The following SYTL2 variants were observed in gnomAD, a reference collection of about 807,000 sequenced individuals.
The protein encoded by SYTL2 is synaptotagmin like 2, also known as synaptotagmin-like protein 2.
SYTL2 carries 165 observed loss-of-function variants against 198.7 expected under a neutral mutation model. That is an observed-to-expected ratio of 0.83 (90% confidence interval 0.73 to 0.94). SYTL2 has a LOEUF of 0.94. Ranked by LOEUF, SYTL2 falls within the 40% of genes least tolerant of loss-of-function variation. The pLI is 0.00. For synonymous variants in SYTL2, 966 were observed against 917.7 expected, an observed-to-expected ratio of 1.05 and a Z score of -0.95; for missense variants, 2,835 against 2,582.8, an observed-to-expected ratio of 1.10 and a Z score of -2.12.
Position 85,727,630 on chromosome 11 carries a change from T to C in SYTL2, c.1728A>G (p.Leu576=). 1 of 1,536,212 alleles carries C rather than the reference T, an allele frequency of 6.5e-7. No homozygotes were observed. Among genetic ancestry groups the C allele is most frequent in the South Asian group, 1.2e-5 (1 of 84,010 alleles). ...TTLRENGSKT[L]SPSKIELKPV... is the part of the protein sequence containing the mutation. ...GCTTCAATTCAATTTTGCTGGGTGATAGGGTCTTTGAGCCATTTTCTCTTA... is the reference window on the plus strand; with the variant it reads ...GCTTCAATTCAATTTTGCTGGGTGACAGGGTCTTTGAGCCATTTTCTCTTA... The change falls in exon 8 of 20, where the codon CTA becomes CTG. Residue 576 remains leucine, a synonymous_variant. Transcript: ENST00000359152.
chr11:85,728,991 G>C (rs1297943751), intron 7 of SYTL2, among the ~76,000 whole-genome samples: 1 of 152,176 alleles, frequency 6.6e-6, no homozygotes, highest in Non-Finnish European at 1.5e-5. Context: ...AAAAGACAAA[G>C]AAGGGCATTA....
At position 85,724,558 on chromosome 11, in the gene SYTL2, C is replaced by T; in HGVS notation, c.4800G>A (p.Glu1600=). 2 of 1,613,916 alleles carry T rather than the reference C, an allele frequency of 1.2e-6. No individual in the cohort carries two copies. Among genetic ancestry groups the T allele is most frequent in the South Asian group, 2.2e-5 (2 of 91,048 alleles). The part of the protein sequence containing the change: ...ETHEKESSQS[E]QTRFLGTVPH... The stretch of plus-strand genomic sequence containing the variant: ...GCACTGTCCCCAAGAACCTGGTCTG[C>T]TCTGACTGTGAGGACTCCTTCTCGT... The change falls in exon 8 of 20, where the codon GAG becomes GAA. Residue 1600 remains glutamate, a synonymous_variant. Coordinates refer to ENST00000359152, the MANE Select transcript of SYTL2 (RefSeq NM_206927.4).
chr11:85,824,645 C>A, the SYTL2 span, among the ~76,000 whole-genome samples: 3 of 152,148 alleles, frequency 2.0e-5, no homozygotes, highest in Non-Finnish European at 4.4e-5. Flanking sequence ...ATAGTTGAGG[C>A]CATAGCAAAG....
chr11:85,844,084 C>T, the SYTL2 span, among the ~76,000 whole-genome samples: 2 of 152,158 alleles, frequency 1.3e-5, no homozygotes, highest in African/African-American at 4.8e-5. Flanking sequence ...TCTGCAATAC[C>T]CCTTTCAACT....
At chr11:85,698,358 C>G (rs1336806605) in intron 17 of SYTL2, among the ~76,000 whole-genome samples, 1 of 152,172 alleles carries the variant, frequency 6.6e-6, no homozygotes. Context: ...TCAACAAAAT[C>G]AAACACCAGG....
At chr11:85,756,827 T>A (rs2091894400) in intron 2 of SYTL2, among the ~76,000 whole-genome samples, 1 of 152,218 alleles carries the variant, frequency 6.6e-6, no homozygotes, top group South Asian at 2.1e-4. Context: ...TGGTCCTGTG[T>A]CCCAGGAAGT....
In SYTL2 at chr11:85,696,365, C is replaced by T. The variant is rs775867852; in HGVS notation, c.6392G>A (p.Arg2131Lys). Residue 2131 changes from arginine to lysine, a missense_variant, in exon 19 of 20, where the codon AGG (arginine) becomes AAG (lysine). This residue lies in a region of SYTL2 where 185 missense variants were observed against 182.1 expected (regional missense o/e 1.02). Transcript: ENST00000359152. ...VKCTILPDTS[R>K]KSRQKTRAVG... The stretch of plus-strand genomic sequence containing the variant: ...AGCTCTTGTCTTCTGGCGACTTTTC[C>T]TACTTGTATCTGGAAGGATGGTACT... 3 of 1,613,894 alleles carry T rather than the reference C, an allele frequency of 1.9e-6. No homozygotes were observed. The highest frequency in any genetic ancestry group is 2.5e-6 in the Non-Finnish European group (3 of 1,179,846).
In SYTL2 at chr11:85,745,717, G is replaced by A; in HGVS notation, c.309C>T (p.Val103=). The change falls in exon 4 of 20, where the codon GTC becomes GTT. Residue 103 remains valine, a synonymous_variant. Coordinates refer to ENST00000359152, the MANE Select transcript of SYTL2 (RefSeq NM_206927.4). ...CTGGAGGAAGGAAAGCATCTTTGTT[G>A]ACATTATTCACCCAGCTTTCCTTTG... ...NGAKESWVNN[V]NKDAFLPPEL... The A allele has an allele frequency of 6.2e-7, 1 of 1,613,654 alleles. No homozygotes were observed. Among genetic ancestry groups the A allele is most frequent in the South Asian group, 1.1e-5 (1 of 91,058 alleles).
chr11:85,728,866 A>G (rs1417418664), intron 7 of SYTL2, among the ~76,000 whole-genome samples: 1 of 152,206 alleles, frequency 6.6e-6, no homozygotes, highest in Non-Finnish European at 1.5e-5. Context: ...CTATTGATGT[A>G]TTGAATGAGA....
chr11:85,762,157 T>G (rs112988151), intron 1 of SYTL2, among the ~76,000 whole-genome samples: 1 of 152,188 alleles, frequency 6.6e-6, no homozygotes, highest in Non-Finnish European at 1.5e-5. Context: ...CCTGTCTCTG[T>G]GGACCCTCAT....
chr11:85,755,102 G>T (rs192875078), intron 2 of SYTL2, among the ~76,000 whole-genome samples: 1 of 152,244 alleles, frequency 6.6e-6, no homozygotes. Context: ...TGGAAAAGGC[G>T]CTGACAAACA....
chr11:85,825,808 TCTTAA>T, the SYTL2 span, among the ~76,000 whole-genome samples: 1 of 152,232 alleles, frequency 6.6e-6, no homozygotes, highest in African/African-American at 2.4e-5. Flanking sequence ...TTCACAAATC[TCTTAA>T]CTTCTCTAAG....
chr11:85,726,324 A>C lies in SYTL2; in HGVS notation c.3034T>G (p.Ser1012Ala). The C allele has an allele frequency of 6.2e-7, 1 of 1,614,068 alleles. No homozygotes were observed. The highest frequency in any genetic ancestry group is 8.5e-7 in the Non-Finnish European group (1 of 1,180,002). ...TGTTTCTGCCTATTAAAAGGTGCAGAATTTTTTTGGCTTGTGGTGGTAATA... is the reference window on the plus strand; with the variant it reads ...TGTTTCTGCCTATTAAAAGGTGCAGCATTTTTTTGGCTTGTGGTGGTAATA... ...KNITTTSQKNSAPFNRQKHKE... is the reference protein window; with the variant it reads ...KNITTTSQKNAAPFNRQKHKE... Residue 1012 changes from serine (S) to alanine (A), a missense_variant, in exon 8 of 20, where the codon TCT becomes GCT. By Grantham distance (99) the Ser-to-Ala change is moderately conservative (BLOSUM62 1). Coordinates refer to ENST00000359152, the MANE Select transcript of SYTL2 (RefSeq NM_206927.4).
At chr11:85,830,126 T>C in the SYTL2 span, among the ~76,000 whole-genome samples, 1 of 152,332 alleles carries the variant, frequency 6.6e-6, no homozygotes, top group South Asian at 2.1e-4. Flanking sequence ...TCAGTGTGTA[T>C]CAAGATTTCT....
chr11:85,737,926 T>C (rs1012316939), intron 4 of SYTL2, among the ~76,000 whole-genome samples: 43 of 152,054 alleles, frequency 2.8e-4, no homozygotes, highest in Admixed American at 8.5e-4. Flanking sequence ...CAAAAGAGGG[T>C]CACGGAGGCC....
At chr11:85,810,421 T>C in intron 1 of SYTL2, among the ~76,000 whole-genome samples, 1 of 152,100 alleles carries the variant, frequency 6.6e-6, no homozygotes, top group East Asian at 1.9e-4. Flanking sequence ...CTTCAAAGGA[T>C]GATAAAGCCC....
chr11:85,788,486 A>C (rs1003767126), intron 1 of SYTL2, among the ~76,000 whole-genome samples: 3 of 152,200 alleles, frequency 2.0e-5, no homozygotes, highest in Non-Finnish European at 4.4e-5. Context: ...ATATGTTGTG[A>C]AGCTGTGAAA....
rs912213001 is a variant in SYTL2, at chr11:85,758,388, C to T, written c.-389-274G>A. On this transcript the variant is annotated intron_variant, in intron 1 of 19. Transcript: ENST00000359152. ...TTGCAAAAATGAACTGGTTCTCTCT[C>T]TGCAAACTCTGGGGATGCTAGGCTA... Among the ~76,000 whole-genome samples the T allele has an allele frequency of 1.3e-5, 2 of 152,204 alleles. 1 individual carries two copies.
intron 1 of SYTL2, among the ~76,000 whole-genome samples, chr11:85,767,738 C>T (rs2092271934): frequency 6.6e-6 from 1 of 152,194 alleles, no homozygotes. Flanking sequence ...TCTCTTCATC[C>T]TCCCTCTCTC....
Sources: gnomAD v4.1 joint callset for allele counts (sites outside exome capture counted in the v4.1 genomes callset) on GRCh38, gnomAD v4.1.1 for gene constraint, gnomAD v4.1.1 regional missense constraint, MANE v1.5 for transcripts, NCBI Gene and HGNC (gene_info 2026-07-23, HGNC 2026-07-21) for gene names.